The following PHACTR2 variants were observed in gnomAD, a reference collection of about 807,000 sequenced individuals.
The protein encoded by PHACTR2 is chromosome 6 open reading frame 56.
PHACTR2 carries 30 observed loss-of-function variants against 76.0 expected under a neutral mutation model. The observed-to-expected ratio is 0.39, with a 90% CI of 0.30 to 0.54. The LOEUF (loss-of-function observed/expected upper bound fraction) is 0.54. PHACTR2 is among the 20% of genes least tolerant of loss of function. The pLI is 0.61. For missense variants in PHACTR2, 696 were observed against 781.1 expected (o/e 0.89, Z 1.30); for synonymous variants, 292 against 292.5 (o/e 1.00, Z 0.02).
chr6:143,640,788 A>G (rs1776550474), intron 1 of PHACTR2, among the ~76,000 whole-genome samples: 1 of 152,266 alleles, frequency 6.6e-6, no homozygotes, highest in Admixed American at 6.5e-5. Context: ...AACTTCCAGA[A>G]CCTGTGAACG....
intron 1 of PHACTR2, among the ~76,000 whole-genome samples, chr6:143,690,356 T>A (rs890872802): frequency 1.3e-5 from 2 of 152,188 alleles, no homozygotes; most frequent in African/African-American, 4.8e-5. Flanking sequence ...CCAGGGGGAT[T>A]CCTTCCACTT....
At chr6:143,798,599 C>G (rs1450885342) in intron 11 of PHACTR2, among the ~76,000 whole-genome samples, 1 of 151,634 alleles carries the variant, frequency 6.6e-6, no homozygotes, top group South Asian at 2.1e-4. Context: ...GCATGAAAGG[C>G]TGTTGAATTT....
chr6:143,823,706 T>C lies in PHACTR2; in HGVS notation c.*17T>C, dbSNP rs756241560. On this transcript the variant is annotated 3_prime_UTR_variant, in exon 13 of 13. Transcript: ENST00000440869. The surrounding 1 kb of genome is among the most constrained non-coding windows in gnomAD (Gnocchi z 5.7). ...CGTCCATAACGAAGAGTGAGACTAT[T>C]TGGAAACAGAGACTGATCATCTTTG... 5.6e-6 allele frequency: 9 copies of C among 1,604,064 alleles called. No homozygotes were observed. The Admixed American group carries it at 8.3e-5, about 15-fold the overall frequency.
upstream of PHACTR2, among the ~76,000 whole-genome samples, chr6:143,606,554 G>T (rs1251469677): frequency 6.6e-6 from 1 of 152,150 alleles, no homozygotes; most frequent in Non-Finnish European, 1.5e-5. Flanking sequence ...GCCAATAGAT[G>T]AGACTTCTTA....
At chr6:143,785,976 G>A (rs770983079) in intron 10 of PHACTR2, among the ~76,000 whole-genome samples, 6 of 152,178 alleles carry the variant, frequency 3.9e-5, no homozygotes, top group African/African-American at 9.7e-5. Context: ...ATGGCCTGGA[G>A]ACATTTTCCC....
At position 143,658,646 on chromosome 6, in the gene PHACTR2, A is replaced by G. The variant is rs981972324; in HGVS notation, c.13+50324A>G. On this transcript the variant is annotated intron_variant, in intron 1 of 11. Coordinates refer to the PHACTR2 transcript ENST00000305766. The surrounding 1 kb of genome is among the most constrained non-coding windows in gnomAD (Gnocchi z 4.1). ...TGAATACTACAGACAATTATAACAC[A>G]ATGGTAAGCATTTGTGTATCTAAAC... is the stretch of plus-strand genomic sequence containing the variant. 6.6e-6 allele frequency among the ~76,000 whole-genome samples: 1 copy of G among 152,208 alleles called. No individual in the cohort carries two copies. The highest frequency in any genetic ancestry group is 1.5e-5 in the Non-Finnish European group (1 of 68,038).
chr6:143,813,526 G>A (rs973478403), intron 12 of PHACTR2, among the ~76,000 whole-genome samples: 16 of 150,554 alleles, frequency 1.1e-4, no homozygotes, highest in Non-Finnish European at 2.2e-4. Flanking sequence ...GCTGAGGCGG[G>A]AGAATGCCGT....
At chr6:143,628,924 G>GATATATAT (rs71024862) in intron 1 of PHACTR2, among the ~76,000 whole-genome samples, 21 of 34,026 alleles carry the variant, frequency 6.2e-4, no homozygotes, top group Admixed American at 1.0e-3. Flanking sequence ...AAATGCAGGA[G>GATATATAT]ATATATATAT....
rs1165678813 is a variant in PHACTR2, at chr6:143,683,254, T to C, written c.46+5045T>C. 6.6e-6 allele frequency among the ~76,000 whole-genome samples: 1 copy of C among 152,092 alleles called. No individual in the cohort carries two copies. The highest frequency in any genetic ancestry group is 1.5e-5 in the Non-Finnish European group (1 of 68,006). On this transcript the variant is annotated intron_variant, in intron 1 of 12. Coordinates refer to ENST00000440869, the MANE Select transcript of PHACTR2 (RefSeq NM_001100164.2). The surrounding 1 kb of genome is among the most constrained non-coding windows in gnomAD (Gnocchi z 4.1). ...AGCATGGTAGATTGGATACAATACA[T>C]TTTTGATGAATATATGAATGAGTCA...
rs1776913512 is a variant in PHACTR2, at chr6:143,659,676, G to T, written c.13+51354G>T. The stretch of plus-strand genomic sequence containing the variant: ...TCTCAGGGGGAGGGGATCACACAAA[G>T]GTGGATTACCTGGGGTCTACCTTCA... On this transcript the variant is annotated intron_variant, in intron 1 of 11. Coordinates refer to the PHACTR2 transcript ENST00000305766. The surrounding 1 kb of genome is among the most constrained non-coding windows in gnomAD (Gnocchi z 5.0). Among the ~76,000 whole-genome samples the T allele has an allele frequency of 6.6e-6, 1 of 152,168 alleles. No homozygotes were observed. Among genetic ancestry groups the T allele is most frequent in the African/African-American group, 2.4e-5 (1 of 41,440 alleles).
rs546527614 is a variant in PHACTR2, at chr6:143,618,157, T to C, written c.13+9835T>C. 6.6e-6 allele frequency among the ~76,000 whole-genome samples: 1 copy of C among 152,232 alleles called. No homozygotes were observed. Among genetic ancestry groups the C allele is most frequent in the South Asian group, 2.1e-4 (1 of 4,820 alleles). ...GCTGGGTCAGAGCCACGATTAGACA[T>C]CGATGCTATATTTGCTGTATCCATG... On this transcript the variant is annotated intron_variant, in intron 1 of 11. Transcript: ENST00000305766. The surrounding 1 kb of genome is among the most constrained non-coding windows in gnomAD (Gnocchi z 5.2).
rs1776097304 is a variant in PHACTR2 at position 143,618,601 on chromosome 6, G to C, written c.13+10279G>C. On this transcript the variant is annotated intron_variant, in intron 1 of 11. Transcript: ENST00000305766. The surrounding 1 kb of genome is among the most constrained non-coding windows in gnomAD (Gnocchi z 5.2). ...GAGGATCCACCAGGGACTGGCAGGG[G>C]AGGCTGGGGGGGGATAGGGGTTGAA... Among the ~76,000 whole-genome samples, 1 of 79,696 alleles carries C rather than the reference G, an allele frequency of 1.3e-5. No homozygotes were observed. Among genetic ancestry groups the C allele is most frequent in the Admixed American group, 1.0e-4 (1 of 9,690 alleles). The allele number at this position is 79,696 out of a possible 152,430, so 52.3% of individuals were successfully genotyped here. A position where few individuals can be genotyped will look rare whatever the true frequency, so the allele number is the denominator to read the frequency against.
rs534084904 is a variant in PHACTR2 at position 143,750,935 on chromosome 6, C to G, written c.295+1870C>G. Among the ~76,000 whole-genome samples, 28 of 152,168 alleles carry G rather than the reference C, an allele frequency of 1.8e-4. No individual in the cohort carries two copies. Among genetic ancestry groups the G allele is most frequent in the Non-Finnish European group, 3.5e-4 (24 of 68,040 alleles). On this transcript the variant is annotated intron_variant, in intron 3 of 12. Transcript: ENST00000440869. This position sits in a 1 kb window ranked among gnomAD's most constrained non-coding sequence, Gnocchi z 4.6. ...CCCTATCTAGAACCGTAGAAATTAT[C>G]TAATGGTTGAAGGTTCCTGAGGATG...
chr6:143,676,493 C>A (rs1777247632), upstream of PHACTR2, among the ~76,000 whole-genome samples: 1 of 152,148 alleles, frequency 6.6e-6, no homozygotes, highest in Admixed American at 6.5e-5. The surrounding 1 kb of genome is among the most constrained non-coding windows in gnomAD (Gnocchi z 4.8). Context: ...GAAAGACTGT[C>A]AAAAGGAAGA....
rs1447028408 is a variant in PHACTR2 at position 143,755,480 on chromosome 6, T to A, written c.454+1568T>A. 1 of 395,310 alleles carries A rather than the reference T, an allele frequency of 2.5e-6. No individual in the cohort carries two copies. The highest frequency in any genetic ancestry group is 5.0e-6 in the Non-Finnish European group (1 of 198,476). The allele number at this position is 395,310 out of a possible 1,614,324, so 24.5% of individuals were successfully genotyped here. ...TTCCCTTATCAACATAATAAAAAGT[T>A]CCTGACAGTTTTATATGAATTAACC... On this transcript the variant is annotated intron_variant, in intron 4 of 12. Transcript: ENST00000440869. The surrounding 1 kb of genome is among the most constrained non-coding windows in gnomAD (Gnocchi z 5.2).
chr6:143,693,248 ATTTTTTTG>A (rs1777689689), intron 1 of PHACTR2, among the ~76,000 whole-genome samples: 1 of 151,544 alleles, frequency 6.6e-6, no homozygotes, highest in Non-Finnish European at 1.5e-5. Flanking sequence ...TTTTGTTTTT[ATTTTTTTG>A]AGACGGAGTC....
At chr6:143,632,288 GA>G in intron 1 of PHACTR2, among the ~76,000 whole-genome samples, 1 of 152,158 alleles carries the variant, frequency 6.6e-6, no homozygotes, top group East Asian at 1.9e-4. Flanking sequence ...GGAAGAATAA[GA>G]ATATTTTTAA....
intron 11 of PHACTR2, among the ~76,000 whole-genome samples, chr6:143,797,910 A>G (rs1225521259): frequency 6.6e-6 from 1 of 152,114 alleles, no homozygotes; most frequent in Non-Finnish European, 1.5e-5. Context: ...TGAGGTTTAA[A>G]GTAGTTTTTT....
rs1775120949 is a variant in PHACTR2, at chr6:143,553,387, T to C, written c.217+16180T>C. Among the ~76,000 whole-genome samples, 7 of 152,194 alleles carry C rather than the reference T, an allele frequency of 4.6e-5. No homozygotes were observed. Among genetic ancestry groups the C allele is most frequent in the Admixed American group, 4.6e-4 (7 of 15,272 alleles). ...TAGAGGGAGGTGAACAGAGGTTCAG[T>C]AAATTCACGGAAGTGAAAATATCAT... is the stretch of plus-strand genomic sequence containing the variant. On this transcript the variant is annotated intron_variant, in intron 1 of 11. Coordinates refer to the PHACTR2 transcript ENST00000367584. The surrounding 1 kb of genome is among the most constrained non-coding windows in gnomAD (Gnocchi z 4.2).
Sources: allele counts gnomAD v4.1 joint callset (sites outside exome capture counted in the v4.1 genomes callset), GRCh38; gene constraint gnomAD v4.1.1; non-coding constraint Gnocchi (gnomAD v3.1); transcripts MANE v1.5; gene names NCBI Gene and HGNC (gene_info 2026-07-23, HGNC 2026-07-21).